The following RC3H2 variants were observed in gnomAD, a reference collection of about 807,000 sequenced individuals.
RC3H2 encodes the protein ring finger and CCCH-type domains 2.
RC3H2 carries 31 observed loss-of-function variants against 133.3 expected under a neutral mutation model. The observed-to-expected ratio is 0.23, with a 90% CI of 0.17 to 0.31. RC3H2 has a LOEUF of 0.31. RC3H2 is among the 10% of genes least tolerant of loss of function. The pLI, the probability that RC3H2 is intolerant of heterozygous loss-of-function variation, is 1.00. For missense variants in RC3H2, 1,175 were observed against 1,437.2 expected (o/e 0.82, Z 2.95); for synonymous variants, 517 against 502.2 (o/e 1.03, Z -0.40).
chr9:122,851,061 A>C lies in RC3H2; in HGVS notation c.3380+20T>G. ...TATGTCCTATGCCCACTGTTTATGAATTTTCTGTCTAACACTCACAGAATC... is the reference window on the plus strand; with the variant it reads ...TATGTCCTATGCCCACTGTTTATGACTTTTCTGTCTAACACTCACAGAATC... On this transcript the variant is annotated intron_variant, in intron 20 of 20. Transcript: ENST00000357244. 1.2e-6 allele frequency: 2 copies of C among 1,612,836 alleles called. No homozygotes were observed. Among genetic ancestry groups the C allele is most frequent in the Non-Finnish European group, 1.7e-6 (2 of 1,179,418 alleles).
At chr9:122,872,017 ATCT>A (rs1358157306) in intron 9 of RC3H2, among the ~76,000 whole-genome samples, 1 of 151,862 alleles carries the variant, frequency 6.6e-6, no homozygotes, top group Non-Finnish European at 1.5e-5. Context: ...AGCTCAAGTG[ATCT>A]TCTTGCCTCA....
intron 14 of RC3H2, 137 bp downstream of exon 14, chr9:122,855,595 T>TA: frequency 9.8e-7 from 1 of 1,018,606 alleles, no homozygotes; most frequent in Non-Finnish European, 1.4e-6. Context: ...ATTTCAGACT[T>TA]ACCTAAATAT....
Position 122,905,312 on chromosome 9 carries a change from G to T in RC3H2, c.-270C>A, listed in dbSNP as rs544130214. 6 of 979,630 alleles carry T rather than the reference G, an allele frequency of 6.1e-6. No individual in the cohort carries two copies. Among genetic ancestry groups the T allele is most frequent in the Non-Finnish European group, 6.1e-6 (5 of 824,716 alleles). 60.7% of individuals were successfully genotyped at this position (979,630 alleles called of 1,614,324 possible). The stretch of plus-strand genomic sequence containing the variant: ...GCCTCCTCCTCCTCCCTCCACCTCC[G>T]CCTCCTCCTCCTCCTCCTCCTCACC... On this transcript the variant is annotated 5_prime_UTR_variant, in exon 1 of 21. Coordinates refer to ENST00000357244, the MANE Select transcript of RC3H2 (RefSeq NM_001100588.3).
intron 1 of RC3H2, 135 bp from the exon 2 acceptor site, chr9:122,897,711 T>A (rs888554769): frequency 4.9e-6 from 3 of 608,592 alleles, no homozygotes; most frequent in African/African-American, 1.9e-5. Context: ...ATGTCTTTTT[T>A]AAAAAACCTA....
In RC3H2 at chr9:122,848,985, A is replaced by T. The variant is rs913709666; in HGVS notation, c.*642T>A. 2 of 151,748 alleles carry T rather than the reference A, an allele frequency of 1.3e-5. No individual in the cohort carries two copies. Among genetic ancestry groups the T allele is most frequent in the Admixed American group, 1.3e-4 (2 of 15,226 alleles). The allele number at this position is 151,748 out of a possible 1,614,324, so 9.4% of individuals were successfully genotyped here. ...AACTACTCTTGAAAAATGGAAAATT[A>T]AAAAAAAATTATATGCTACAGATAA... On this transcript the variant is annotated 3_prime_UTR_variant, in exon 21 of 21. Coordinates refer to ENST00000357244, the MANE Select transcript of RC3H2 (RefSeq NM_001100588.3).
At chr9:122,893,441 C>A (rs576338526) in intron 2 of RC3H2, among the ~76,000 whole-genome samples, 1 of 152,308 alleles carries the variant, frequency 6.6e-6, no homozygotes, top group East Asian at 1.9e-4. Flanking sequence ...TTGCAGTGAG[C>A]TGAGATCGCA....
At chr9:122,867,306 A>C (rs111585362) in intron 9 of RC3H2, among the ~76,000 whole-genome samples, 6 of 95,360 alleles carry the variant, frequency 6.3e-5, no homozygotes, top group African/African-American at 1.7e-4. Context: ...CCGCCCGGCC[A>C]GCCGCCCCGT....
intron 10 of RC3H2, among the ~76,000 whole-genome samples, chr9:122,864,410 GCTTA>G (rs1284428043): frequency 6.6e-6 from 1 of 152,120 alleles, no homozygotes; most frequent in Non-Finnish European, 1.5e-5. Context: ...TTTACTGAGT[GCTTA>G]CTATCTGGTA....
intron 8 of RC3H2, among the ~76,000 whole-genome samples, chr9:122,878,133 T>C (rs1831419170): frequency 6.6e-6 from 1 of 152,052 alleles, no homozygotes; most frequent in African/African-American, 2.4e-5. Context: ...TCTAAGACAT[T>C]CTTATTCTTA....
At position 122,851,104 on chromosome 9, in the gene RC3H2, ACT is replaced by A; in HGVS notation, c.3355_3356del (p.Ser1119PhefsTer3). 1 of 1,613,888 alleles carries A rather than the reference ACT, an allele frequency of 6.2e-7. No individual in the cohort carries two copies. The highest frequency in any genetic ancestry group is 8.5e-7 in the Non-Finnish European group (1 of 1,179,982). On this transcript the variant is annotated frameshift_variant, in exon 20 of 21. Coordinates refer to ENST00000357244, the MANE Select transcript of RC3H2 (RefSeq NM_001100588.3). LOFTEE classifies it high-confidence loss of function. ...ACAGAATCACATGGTCTTCACCTAA[ACT>A]CTGTTTCTTCTGCTTTGGTGGCTCC... ...QKEPPKQKKQSLGEDHVILEE... is the reference protein window; with the variant it reads ...QKEPPKQKKQXLGEDHVILEE...
Position 122,890,427 on chromosome 9 carries a change from A to G in RC3H2, c.468T>C (p.Arg156=), listed in dbSNP as rs761756560. Residue 156 remains arginine, a synonymous_variant, in exon 4 of 21, where the codon CGT becomes CGC. Coordinates refer to ENST00000357244, the MANE Select transcript of RC3H2 (RefSeq NM_001100588.3). ...CTGTTACAGTTCTTTCTCCAAGGGAACGAGCTGCTCGCATGGCTCTTACAC... is the reference window on the plus strand; with the variant it reads ...CTGTTACAGTTCTTTCTCCAAGGGAGCGAGCTGCTCGCATGGCTCTTACAC... ...EGRVRAMRAA[R]SLGERTVTEL... is the part of the protein sequence containing the mutation. 1 of 1,614,060 alleles carries G rather than the reference A, an allele frequency of 6.2e-7. No homozygotes were observed. The highest frequency in any genetic ancestry group is 1.3e-5 in the African/African-American group (1 of 74,920).
Position 122,851,178 on chromosome 9 carries a change from T to C in RC3H2, c.3283A>G (p.Asn1095Asp). Residue 1095 changes from asparagine to aspartate, a missense_variant, in exon 20 of 21, where the codon AAT (asparagine) becomes GAT (aspartate). This residue lies in a region of RC3H2 where 220 missense variants were observed against 201.1 expected (regional missense o/e 1.09). Transcript: ENST00000357244. ...TGCCCATTTTCCACTGCCATTCCAT[T>C]TAGCAACTGATCATTTTGAGAACTG... The part of the protein sequence containing the change: ...GISSQNDQLL[N>D]GMAVENGHPV... 6.2e-7 allele frequency: 1 copy of C among 1,614,162 alleles called. No homozygotes were observed. The highest frequency in any genetic ancestry group is 8.5e-7 in the Non-Finnish European group (1 of 1,179,996).
chr9:122,877,146 T>C (rs899583551), intron 9 of RC3H2, among the ~76,000 whole-genome samples: 2 of 152,196 alleles, frequency 1.3e-5, no homozygotes, highest in East Asian at 3.8e-4. Flanking sequence ...ACACACTCAC[T>C]GCAGCCTTGA....
At chr9:122,875,300 T>G in intron 9 of RC3H2, 3 of 1,550,602 alleles carry the variant, frequency 1.9e-6, no homozygotes, top group East Asian at 2.4e-5. Context: ...GAGCTCATTA[T>G]GTACAGTGCC....
chr9:122,875,993 G>A (rs1831316955), intron 9 of RC3H2, among the ~76,000 whole-genome samples: 1 of 152,188 alleles, frequency 6.6e-6, no homozygotes, highest in African/African-American at 2.4e-5. Flanking sequence ...GGGAAATAAT[G>A]GGAGAAGGGG....
chr9:122,890,223 G>GAAATCT (rs1564314906), intron 4 of RC3H2, 89 bp downstream of exon 4: 1 of 896,246 alleles, frequency 1.1e-6, no homozygotes, highest in Non-Finnish European at 1.8e-6. Flanking sequence ...ATAAAGACGG[G>GAAATCT]TTGAGTCTCA....
In RC3H2 at chr9:122,844,865, T is replaced by G. The variant is rs377125849; in HGVS notation, c.*4762A>C. On this transcript the variant is annotated 3_prime_UTR_variant, in exon 21 of 21. Coordinates refer to ENST00000357244, the MANE Select transcript of RC3H2 (RefSeq NM_001100588.3). ...AAGGGAAACATTACAATTTGGAAAT[T>G]CAAATTGAAATAAATGGAATAGAAT... is the stretch of plus-strand genomic sequence containing the variant. The G allele has an allele frequency of 1.3e-5, 2 of 152,236 alleles. No homozygotes were observed. The highest frequency in any genetic ancestry group is 3.8e-4 in the East Asian group (2 of 5,202). 9.4% of individuals were successfully genotyped at this position (152,236 alleles called of 1,614,324 possible). A position where few individuals can be genotyped will look rare whatever the true frequency, so the allele number is the denominator to read the frequency against.
In RC3H2 at chr9:122,849,522, T is replaced by G. The variant is rs1289082942; in HGVS notation, c.*105A>C. 2.5e-6 allele frequency: 1 copy of G among 395,718 alleles called. No homozygotes were observed. Among genetic ancestry groups the G allele is most frequent in the Non-Finnish European group, 3.8e-6 (1 of 261,130 alleles). 24.5% of individuals were successfully genotyped at this position (395,718 alleles called of 1,614,324 possible). A position where few individuals can be genotyped will look rare whatever the true frequency, so the allele number is the denominator to read the frequency against. On this transcript the variant is annotated 3_prime_UTR_variant, in exon 21 of 21. Coordinates refer to ENST00000357244, the MANE Select transcript of RC3H2 (RefSeq NM_001100588.3). The stretch of plus-strand genomic sequence containing the variant: ...GGAAATGGATGCCCCCAGTAATATC[T>G]TTTTTTTAAAAAAAATATACATTAT...
At chr9:122,867,242 G>A (rs1830735948) in intron 9 of RC3H2, among the ~76,000 whole-genome samples, 2 of 96,414 alleles carry the variant, frequency 2.1e-5, no homozygotes, top group African/African-American at 4.3e-5. Context: ...GGGGGGATCA[G>A]CCCCCCGCCC....
Sources: gnomAD v4.1 joint callset for allele counts (sites outside exome capture counted in the v4.1 genomes callset) on GRCh38, gnomAD v4.1.1 for gene constraint, gnomAD v4.1.1 regional missense constraint, MANE v1.5 for transcripts, NCBI Gene and HGNC (gene_info 2026-07-23, HGNC 2026-07-21) for gene names.